The following STRAP variants were observed in gnomAD, a reference collection of about 807,000 sequenced individuals.
STRAP encodes the protein serine/threonine kinase receptor associated protein, also known as serine-threonine kinase receptor-associated protein.
Under a neutral mutation model 47.0 loss-of-function variants are expected in STRAP, and 16 were observed. The observed-to-expected ratio is 0.34, with a 90% confidence interval of 0.23 to 0.52. The LOEUF is 0.52. Among genes scored for constraint, STRAP ranks in the 20% least tolerant of loss-of-function variants. STRAP has a pLI of 0.96. For missense variants in STRAP, 293 were observed against 420.0 expected (o/e 0.70, Z 2.64); for synonymous variants, 130 against 142.7 (o/e 0.91, Z 0.63).
At chr12:15,883,442 T>C in intron 1 of STRAP, 99 bp from the exon 2 acceptor site, 1 of 1,355,376 alleles carries the variant, frequency 7.4e-7, no homozygotes, top group Non-Finnish European at 1.0e-6. Context: ...AAACAATTTT[T>C]CCACTTTGTC....
intron 9 of STRAP, among the ~76,000 whole-genome samples, chr12:15,902,486 A>C (rs924486005): frequency 6.6e-6 from 1 of 152,162 alleles, no homozygotes; most frequent in African/African-American, 2.4e-5. Context: ...TTTTCCTTAA[A>C]TTTTTTATTG....
rs778939065 is a variant in STRAP, at chr12:15,895,862, GAA to G, written c.638+385_638+386del. Reference sequence around the variant, plus strand: ...TGGATGACAAAGCAAAACCTCCTCTGAAAAAAAAAAAAAAAAAAAAGCAAAAA... The same window carrying G: ...TGGATGACAAAGCAAAACCTCCTCTGAAAAAAAAAAAAAAAAAAGCAAAAA... On this transcript the variant is annotated intron_variant, in intron 6 of 9. Transcript: ENST00000419869. Among the ~76,000 whole-genome samples the G allele has an allele frequency of 6.8e-3, 421 of 61,674 alleles. 2 individuals are homozygous for G. Among genetic ancestry groups the G allele is most frequent in the African/African-American group, 0.021 (356 of 16,756 alleles). The allele number at this position is 61,674 out of a possible 152,430, so 40.5% of individuals were successfully genotyped here.
At chr12:15,886,336 A>G (rs1947972616) in intron 2 of STRAP, among the ~76,000 whole-genome samples, 1 of 152,018 alleles carries the variant, frequency 6.6e-6, no homozygotes, top group Non-Finnish European at 1.5e-5. Flanking sequence ...ACAGGCGTGT[A>G]CTACCATGCT....
At chr12:15,897,040 C>T (rs918707916) in intron 6 of STRAP, among the ~76,000 whole-genome samples, 2 of 152,200 alleles carry the variant, frequency 1.3e-5, no homozygotes, top group Admixed American at 6.5e-5. Context: ...TTCACTCACT[C>T]CTGCAGTTAG....
chr12:15,887,350 A>G lies in STRAP; in HGVS notation c.249-2578A>G, dbSNP rs1202281033. Among the ~76,000 whole-genome samples, 4 of 152,202 alleles carry G rather than the reference A, an allele frequency of 2.6e-5. No homozygotes were observed. The highest frequency in any genetic ancestry group is 6.5e-5 in the Admixed American group (1 of 15,274). ...GGTAACAGTAGTTTAAGGAGATGAC[A>G]AGTACTTCGTGGGATGTGAAGAAAA... On this transcript the variant is annotated intron_variant, in intron 2 of 9. Transcript: ENST00000419869. This position sits in a 1 kb window ranked among gnomAD's most constrained non-coding sequence, Gnocchi z 5.5.
At chr12:15,882,906 G>A in intron 1 of STRAP, 87 bp downstream of exon 1, 1 of 1,428,756 alleles carries the variant, frequency 7.0e-7, no homozygotes, top group Non-Finnish European at 9.6e-7. Flanking sequence ...CGAAGCGGTG[G>A]TGTGGTGAGG....
chr12:15,884,723 T>TG (rs1228678242), intron 2 of STRAP, among the ~76,000 whole-genome samples: 1 of 152,130 alleles, frequency 6.6e-6, no homozygotes, highest in Non-Finnish European at 1.5e-5. Context: ...TTGATTGGTC[T>TG]GGGGATGGAG....
rs1339984200 is a variant in STRAP, at chr12:15,882,531, C to T, written c.-177C>T. ...GCTTGCTGGTCGCAGACTCCCTGAC[C>T]CCTCCCTCACCCCTCCCTAACCTCG... On this transcript the variant is annotated 5_prime_UTR_variant, in exon 1 of 10. Coordinates refer to ENST00000419869, the MANE Select transcript of STRAP (RefSeq NM_007178.4). 2 of 604,082 alleles carry T rather than the reference C, an allele frequency of 3.3e-6. No individual in the cohort carries two copies. The highest frequency in any genetic ancestry group is 5.9e-6 in the Non-Finnish European group (2 of 338,546). The allele number at this position is 604,082 out of a possible 1,614,324, so 37.4% of individuals were successfully genotyped here. A position where few individuals can be genotyped will look rare whatever the true frequency, so the allele number is the denominator to read the frequency against.
At chr12:15,892,223 T>C (rs1175434053) in intron 4 of STRAP, among the ~76,000 whole-genome samples, 1 of 152,194 alleles carries the variant, frequency 6.6e-6, no homozygotes, top group Non-Finnish European at 1.5e-5. Flanking sequence ...ATTCATGTTT[T>C]TCTTACTGGT....
At chr12:15,893,585 TTTATA>T (rs1194929756) in intron 4 of STRAP, among the ~76,000 whole-genome samples, 1 of 147,470 alleles carries the variant, frequency 6.8e-6, no homozygotes, top group Non-Finnish European at 1.5e-5. Context: ...CAATAATGCT[TTTATA>T]TTATACAATA....
At chr12:15,899,882 T>G in intron 7 of STRAP, 22 bp from the exon 8 acceptor site, 2 of 1,605,798 alleles carry the variant, frequency 1.2e-6, no homozygotes, top group Non-Finnish European at 1.7e-6. Flanking sequence ...TAAAATTATC[T>G]AATAGCCCTC....
Position 15,894,037 on chromosome 12 carries a change from T to G in STRAP, c.404-10T>G, listed in dbSNP as rs757474562. On this transcript the variant is annotated splice_polypyrimidine_tract_variant and intron_variant, in intron 4 of 9. Transcript: ENST00000419869. The surrounding 1 kb of genome is among the most constrained non-coding windows in gnomAD (Gnocchi z 4.9). ...ATTAACAAATGTACTTTAAATTGTT[T>G]TATCTCAAGAACCTAAGGAAATTAG... 2.5e-6 allele frequency: 4 copies of G among 1,591,070 alleles called. No individual in the cohort carries two copies. Among genetic ancestry groups the G allele is most frequent in the Non-Finnish European group, 2.6e-6 (3 of 1,160,638 alleles).
intron 2 of STRAP, among the ~76,000 whole-genome samples, chr12:15,885,299 C>G (rs1173981471): frequency 6.6e-6 from 1 of 151,124 alleles, no homozygotes; most frequent in Non-Finnish European, 1.5e-5. Context: ...AGTGATTCTC[C>G]CACCTCAGCT....
At chr12:15,898,543 TTTTA>T (rs773295630) in intron 7 of STRAP, among the ~76,000 whole-genome samples, 23 of 152,212 alleles carry the variant, frequency 1.5e-4, no homozygotes, top group Non-Finnish European at 2.6e-4. Context: ...TTTATCAGCT[TTTTA>T]TTTATTCTGT....
At position 15,898,635 on chromosome 12, in the gene STRAP, T is replaced by G. The variant is rs561763963; in HGVS notation, c.775+617T>G. Among the ~76,000 whole-genome samples the G allele has an allele frequency of 5.7e-4, 87 of 152,362 alleles. 1 individual carries two copies. The highest frequency in any genetic ancestry group is 2.0e-3 in the African/African-American group (83 of 41,584). On this transcript the variant is annotated intron_variant, in intron 7 of 9. Coordinates refer to ENST00000419869, the MANE Select transcript of STRAP (RefSeq NM_007178.4). Reference sequence around the variant, plus strand: ...AAAGGGAAAGGCATGGGGATTAATTTGAAGTTAATGTATATTTATCTGATG... The same window carrying G: ...AAAGGGAAAGGCATGGGGATTAATTGGAAGTTAATGTATATTTATCTGATG...
At chr12:15,888,305 A>T (rs1261182897) in intron 2 of STRAP, among the ~76,000 whole-genome samples, 2 of 152,222 alleles carry the variant, frequency 1.3e-5, no homozygotes, top group East Asian at 1.9e-4. Context: ...GGAGTGGTTT[A>T]TAATCTAGTG....
rs1565572503 is a variant in STRAP at position 15,884,267 on chromosome 12, G to A, written c.248+591G>A. 2.0e-5 allele frequency among the ~76,000 whole-genome samples: 3 copies of A among 152,098 alleles called. No homozygotes were observed. The East Asian group carries it at 5.8e-4, about 29-fold the overall frequency. On this transcript the variant is annotated intron_variant, in intron 2 of 9. Transcript: ENST00000419869. ...AATGTTCCTTCATGTAGTAACTGTG[G>A]CTGCCTTAGTTCAGGATCATTTTTA...
chr12:15,902,085 C>G (rs1423932425), intron 9 of STRAP, among the ~76,000 whole-genome samples: 1 of 151,936 alleles, frequency 6.6e-6, no homozygotes, highest in Non-Finnish European at 1.5e-5. Flanking sequence ...AAGCAATTCT[C>G]CTGCGTAAGC....
At chr12:15,883,794 G>A in intron 2 of STRAP, 118 bp downstream of exon 2, 4 of 1,338,758 alleles carry the variant, frequency 3.0e-6, no homozygotes, top group Non-Finnish European at 4.0e-6. Context: ...CATACAGAAC[G>A]CATGTTTGAT....
Sources: gnomAD v4.1 joint callset for allele counts (sites outside exome capture counted in the v4.1 genomes callset) on GRCh38, gnomAD v4.1.1 for gene constraint, Gnocchi (gnomAD v3.1) non-coding constraint, MANE v1.5 for transcripts, NCBI Gene and HGNC (gene_info 2026-07-23, HGNC 2026-07-21) for gene names.